GLRA3: variants seen among roughly 807,000 people sequenced by gnomAD.
GLRA3 encodes the protein glycine receptor alpha 3.
Under a neutral mutation model 60.4 loss-of-function variants are expected in GLRA3, and 44 were observed. The observed-to-expected ratio is 0.73, with a 90% CI of 0.57 to 0.94. GLRA3 has a LOEUF of 0.94. Ranked by LOEUF, GLRA3 falls within the 40% of genes least tolerant of loss-of-function variation. The pLI, the probability that GLRA3 is intolerant of heterozygous loss-of-function variation, is 0.00. For missense variants in GLRA3, 508 were observed against 564.6 expected, an observed-to-expected ratio of 0.90 and a Z score of 1.02; for synonymous variants, 223 against 192.9, an observed-to-expected ratio of 1.16 and a Z score of -1.29.
chr4:174,695,974 G>A (rs1484691528), intron 5 of GLRA3, among the ~76,000 whole-genome samples: 2 of 151,892 alleles, frequency 1.3e-5, no homozygotes, highest in Non-Finnish European at 2.9e-5. Context: ...AATCAGAAAG[G>A]CAATTCAATT....
At chr4:174,707,033 T>C (rs967266906) in intron 5 of GLRA3, among the ~76,000 whole-genome samples, 22 of 152,216 alleles carry the variant, frequency 1.4e-4, no homozygotes, top group Non-Finnish European at 2.5e-4. Context: ...AGGGATACTA[T>C]AGTGTTCTCA....
chr4:174,638,001 A>C lies in GLRA3; in HGVS notation c.*5785T>G, dbSNP rs1732538525. ...GAATAAAGCTAGTGATAAGGGGTTGATTGAACTTAAACACAGACAGCAGAA... is the reference window on the plus strand; with the variant it reads ...GAATAAAGCTAGTGATAAGGGGTTGCTTGAACTTAAACACAGACAGCAGAA... On this transcript the variant is annotated 3_prime_UTR_variant, in exon 10 of 10. Transcript: ENST00000274093. The C allele has an allele frequency of 6.6e-6, 1 of 151,690 alleles. No individual in the cohort carries two copies. Among genetic ancestry groups the C allele is most frequent in the Admixed American group, 6.6e-5 (1 of 15,254 alleles). 9.4% of individuals were successfully genotyped at this position (151,690 alleles called of 1,614,324 possible). A position where few individuals can be genotyped will look rare whatever the true frequency, so the allele number is the denominator to read the frequency against.
chr4:174,692,235 G>A lies in GLRA3; in HGVS notation c.575-9296C>T, dbSNP rs374541702. Among the ~76,000 whole-genome samples the A allele has an allele frequency of 2.6e-4, 39 of 149,856 alleles. 1 individual carries two copies. Among genetic ancestry groups the A allele is most frequent in the East Asian group, 2.2e-3 (11 of 5,090 alleles). ...GGGAGGGAGGTGGGGGTCAGCCCCC[G>A]CCAGGCCAGCCGCCCCATCCGCGAG... On this transcript the variant is annotated intron_variant, in intron 5 of 9. Coordinates refer to ENST00000274093, the MANE Select transcript of GLRA3 (RefSeq NM_006529.4).
intron 1 of GLRA3, among the ~76,000 whole-genome samples, chr4:174,792,518 T>A (rs1579616918): frequency 1.3e-5 from 2 of 152,122 alleles, no homozygotes; most frequent in Non-Finnish European, 2.9e-5. Context: ...CATAGGAGTG[T>A]TGGGAGAAAA....
intron 3 of GLRA3, among the ~76,000 whole-genome samples, chr4:174,748,420 G>A (rs956488420): frequency 6.6e-6 from 1 of 152,144 alleles, no homozygotes; most frequent in African/African-American, 2.4e-5. Context: ...GCTGTGAATA[G>A]AAAGAGAAAT....
At chr4:174,730,669 C>T (rs547921918) in intron 3 of GLRA3, among the ~76,000 whole-genome samples, 14 of 152,160 alleles carry the variant, frequency 9.2e-5, no homozygotes, top group Admixed American at 3.3e-4. Flanking sequence ...TCATTTCTTC[C>T]GGGAACACTT....
chr4:174,693,104 G>A (rs1217716986), intron 5 of GLRA3, among the ~76,000 whole-genome samples: 4 of 151,986 alleles, frequency 2.6e-5, no homozygotes, highest in African/African-American at 9.7e-5. Flanking sequence ...CCATTCTGTG[G>A]GTTGTCTGTT....
At chr4:174,682,713 A>C in intron 6 of GLRA3, 89 bp downstream of exon 6, 1 of 918,966 alleles carries the variant, frequency 1.1e-6, no homozygotes, top group Non-Finnish European at 1.7e-6. Context: ...ATCTATGAAC[A>C]GTTAAATAAC....
At chr4:174,736,526 G>T (rs1736796224) in intron 3 of GLRA3, among the ~76,000 whole-genome samples, 1 of 151,902 alleles carries the variant, frequency 6.6e-6, no homozygotes, top group Non-Finnish European at 1.5e-5. Flanking sequence ...CGTCCCCATA[G>T]ATTTACCTAC....
chr4:174,645,775 T>C (rs1390834418), intron 9 of GLRA3, among the ~76,000 whole-genome samples: 1 of 152,198 alleles, frequency 6.6e-6, no homozygotes, highest in African/African-American at 2.4e-5. Context: ...CACTACTCTT[T>C]AACAAGCATG....
chr4:174,724,726 A>G (rs981305885), intron 4 of GLRA3, among the ~76,000 whole-genome samples: 4 of 151,786 alleles, frequency 2.6e-5, no homozygotes, highest in African/African-American at 9.7e-5. Context: ...TTAATTCTCT[A>G]TTTTCCTTTA....
At chr4:174,788,026 G>C (rs1739186732) in intron 2 of GLRA3, among the ~76,000 whole-genome samples, 1 of 151,912 alleles carries the variant, frequency 6.6e-6, no homozygotes, top group Non-Finnish European at 1.5e-5. Context: ...CTTTAGCAAT[G>C]AAACAGCTTA....
At chr4:174,738,099 A>G (rs1209732591) in intron 3 of GLRA3, among the ~76,000 whole-genome samples, 1 of 152,230 alleles carries the variant, frequency 6.6e-6, no homozygotes, top group Non-Finnish European at 1.5e-5. Context: ...GAGATTGGCC[A>G]AGGAACTCTG....
At chr4:174,688,708 A>G (rs1253389089) in intron 5 of GLRA3, among the ~76,000 whole-genome samples, 1 of 151,472 alleles carries the variant, frequency 6.6e-6, no homozygotes, top group African/African-American at 2.4e-5. Context: ...TATATGTTGA[A>G]GGTAGTTGAA....
intron 3 of GLRA3, among the ~76,000 whole-genome samples, chr4:174,735,684 C>T (rs1561085856): frequency 6.6e-6 from 1 of 152,224 alleles, no homozygotes; most frequent in East Asian, 1.9e-4. Flanking sequence ...CCTCAGCCTC[C>T]CAAGTAGCTG....
At chr4:174,771,063 T>C (rs978882391) in intron 2 of GLRA3, among the ~76,000 whole-genome samples, 1 of 119,204 alleles carries the variant, frequency 8.4e-6, no homozygotes, top group Admixed American at 1.2e-4. Context: ...AAGAGAACAT[T>C]ACACTCTGGG....
chr4:174,784,320 G>A (rs1446410086), intron 2 of GLRA3, among the ~76,000 whole-genome samples: 1 of 138,436 alleles, frequency 7.2e-6, no homozygotes, highest in African/African-American at 2.7e-5. Flanking sequence ...ACTGTTGTGG[G>A]GTGCGGGGAG....
intron 2 of GLRA3, among the ~76,000 whole-genome samples, chr4:174,782,342 C>A (rs1463035098): frequency 6.6e-6 from 1 of 151,904 alleles, no homozygotes; most frequent in Non-Finnish European, 1.5e-5. Context: ...CTATCTATGA[C>A]AAACCCACAG....
intron 1 of GLRA3, among the ~76,000 whole-genome samples, chr4:174,804,998 A>G (rs976526805): frequency 3.3e-5 from 5 of 152,172 alleles, no homozygotes; most frequent in South Asian, 2.1e-4. Flanking sequence ...CTTCGTGTTG[A>G]ACATACCTGG....
Sources: allele counts gnomAD v4.1 joint callset (sites outside exome capture counted in the v4.1 genomes callset), GRCh38; gene constraint gnomAD v4.1.1; transcripts MANE v1.5; gene names NCBI Gene and HGNC (gene_info 2026-07-23, HGNC 2026-07-21).